The following ABHD18 variants were observed in gnomAD, a reference collection of about 807,000 sequenced individuals.
ABHD18 encodes cardiolipin-specific deacylase, mitochondrial.
ABHD18 carries 55 observed loss-of-function variants against 65.9 expected under a neutral mutation model. That is an observed-to-expected ratio of 0.84 (90% CI 0.67 to 1.05). The LOEUF (loss-of-function observed/expected upper bound fraction) is 1.05, where lower values mean the gene tolerates loss of function less well. ABHD18 is among the 50% of genes least tolerant of loss of function. The pLI, the probability that ABHD18 is intolerant of heterozygous loss-of-function variation, is 0.00. For missense variants in ABHD18, 533 were observed against 558.5 expected (o/e 0.95, Z 0.46); for synonymous variants, 181 against 180.2 (o/e 1.00, Z -0.04).
rs1759142580 is a variant in ABHD18 at position 128,039,165 on chromosome 4, AT to A, written c.*3353del. The A allele has an allele frequency of 7.3e-6, 1 of 137,902 alleles. No homozygotes were observed. Among genetic ancestry groups the A allele is most frequent in the African/African-American group, 2.9e-5 (1 of 34,450 alleles). 8.5% of individuals were successfully genotyped at this position (137,902 alleles called of 1,614,324 possible). A position where few individuals can be genotyped will look rare whatever the true frequency, so the allele number is the denominator to read the frequency against. ...TATGCATATATATATATATATATAT[AT>A]ATATATATATATATATATAATCTCA... On this transcript the variant is annotated 3_prime_UTR_variant, in exon 13 of 13. Transcript: ENST00000645843.
At chr4:128,018,284 A>T (rs1043751691) in intron 8 of ABHD18, among the ~76,000 whole-genome samples, 3 of 152,200 alleles carry the variant, frequency 2.0e-5, no homozygotes, top group Non-Finnish European at 4.4e-5. Flanking sequence ...ATTACTTGGC[A>T]CATATTAGTC....
intron 1 of ABHD18, among the ~76,000 whole-genome samples, chr4:127,967,817 G>A (rs570996199): frequency 3.6e-4 from 55 of 152,002 alleles, no homozygotes; most frequent in African/African-American, 1.3e-3. Flanking sequence ...ATGGAAAAGA[G>A]GAGCTAAATT....
intron 1 of ABHD18, among the ~76,000 whole-genome samples, chr4:127,982,479 G>A (rs886741969): frequency 4.6e-5 from 7 of 152,164 alleles, no homozygotes; most frequent in Admixed American, 4.6e-4. Flanking sequence ...CCCACTAGCT[G>A]TGTGACCTTG....
At chr4:128,012,180 T>C (rs1054805829) in intron 7 of ABHD18, among the ~76,000 whole-genome samples, 1 of 152,158 alleles carries the variant, frequency 6.6e-6, no homozygotes, top group Admixed American at 6.6e-5. Flanking sequence ...TTTCACCATG[T>C]TGGTCAGGCT....
intron 4 of ABHD18, among the ~76,000 whole-genome samples, chr4:128,005,606 G>A (rs1157185467): frequency 6.6e-6 from 1 of 152,148 alleles, no homozygotes; most frequent in Non-Finnish European, 1.5e-5. Context: ...GGGACTACAG[G>A]AATGTTCCAG....
intron 1 of ABHD18, among the ~76,000 whole-genome samples, chr4:127,977,188 A>G (rs927044163): frequency 6.6e-6 from 1 of 152,200 alleles, no homozygotes; most frequent in Non-Finnish European, 1.5e-5. Context: ...TAAAAAAAAA[A>G]CAAGCTGGGC....
Position 128,039,374 on chromosome 4 carries a change from GGT to G in ABHD18, c.*3568_*3569del, listed in dbSNP as rs1303744844. 2 of 151,662 alleles carry G rather than the reference GGT, an allele frequency of 1.3e-5. No homozygotes were observed. The highest frequency in any genetic ancestry group is 6.6e-5 in the Admixed American group (1 of 15,164). The allele number at this position is 151,662 out of a possible 1,614,324, so 9.4% of individuals were successfully genotyped here. On this transcript the variant is annotated 3_prime_UTR_variant, in exon 13 of 13. Coordinates refer to ENST00000645843, the MANE Select transcript of ABHD18 (RefSeq NM_001358451.3). Reference sequence around the variant, plus strand: ...TTGAATTTGAAAAGTCTTTTGATTGGGTGTGTGTTCCCCAGTTTGCCACAGCC... The same window carrying G: ...TTGAATTTGAAAAGTCTTTTGATTGGGTGTGTTCCCCAGTTTGCCACAGCC...
At chr4:127,969,617 C>G (rs950957629) in intron 1 of ABHD18, among the ~76,000 whole-genome samples, 2 of 152,152 alleles carry the variant, frequency 1.3e-5, no homozygotes, top group African/African-American at 4.8e-5. Context: ...TCCTTTGCAA[C>G]TTTCTAATTC....
intron 3 of ABHD18, among the ~76,000 whole-genome samples, chr4:127,987,589 G>A (rs550506113): frequency 6.6e-6 from 1 of 151,898 alleles, no homozygotes; most frequent in South Asian, 2.1e-4. Flanking sequence ...GCACATGCCT[G>A]TAGTCCCAGC....
intron 4 of ABHD18, among the ~76,000 whole-genome samples, chr4:128,007,014 A>C (rs1261985288): frequency 6.6e-6 from 1 of 152,196 alleles, no homozygotes; most frequent in East Asian, 1.9e-4. Flanking sequence ...GCATGGTGGC[A>C]CATGCCTGTA....
intron 10 of ABHD18, among the ~76,000 whole-genome samples, chr4:128,025,728 T>C (rs1235905035): frequency 6.6e-6 from 1 of 152,230 alleles, no homozygotes; most frequent in South Asian, 2.1e-4. Context: ...CCAGCAGGAA[T>C]GTGTCTTTCT....
chr4:127,997,518 A>G (rs1751936404), intron 4 of ABHD18, among the ~76,000 whole-genome samples: 2 of 152,246 alleles, frequency 1.3e-5, no homozygotes, highest in Admixed American at 1.3e-4. Flanking sequence ...TATGACTTAA[A>G]TTAGAGTTTC....
intron 1 of ABHD18, among the ~76,000 whole-genome samples, chr4:127,971,777 C>T (rs986569745): frequency 2.6e-5 from 4 of 152,040 alleles, no homozygotes; most frequent in Non-Finnish European, 4.4e-5. Context: ...CGTGAGCCAC[C>T]GCACCTGGCC....
chr4:128,025,024 AT>A (rs1197569204), intron 10 of ABHD18, among the ~76,000 whole-genome samples: 4 of 152,134 alleles, frequency 2.6e-5, no homozygotes, highest in East Asian at 3.9e-4. Context: ...TAAAAAAAAA[AT>A]GTATGGTCAT....
chr4:128,033,524 C>CTTTTTTTGTTTTTTTTTTTTTT (rs1758498296), intron 12 of ABHD18, among the ~76,000 whole-genome samples: 1 of 108,646 alleles, frequency 9.2e-6, no homozygotes, highest in East Asian at 3.3e-4. Context: ...CAAAGATAGT[C>CTTTTTTTGTTTTTTTTTTTTTT]TTTTTTTTTT....
At chr4:127,972,367 A>T (rs1746998701) in intron 1 of ABHD18, among the ~76,000 whole-genome samples, 1 of 152,138 alleles carries the variant, frequency 6.6e-6, no homozygotes. Flanking sequence ...AGAGGGTCCC[A>T]AAGTTCCTTT....
intron 1 of ABHD18, among the ~76,000 whole-genome samples, chr4:127,970,408 C>A (rs1199415700): frequency 6.6e-6 from 1 of 151,304 alleles, no homozygotes. Context: ...GCCTGACCAA[C>A]ATGGAGAAAC....
At chr4:128,008,686 C>A (rs938366046) in intron 4 of ABHD18, among the ~76,000 whole-genome samples, 1 of 152,082 alleles carries the variant, frequency 6.6e-6, no homozygotes, top group African/African-American at 2.4e-5. Context: ...AGAATAGGGA[C>A]AATAAATTCT....
At chr4:128,017,268 G>A in intron 7 of ABHD18, 95 bp from the exon 8 acceptor site, 1 of 1,164,738 alleles carries the variant, frequency 8.6e-7, no homozygotes, top group Non-Finnish European at 1.2e-6. Context: ...TCCTTTAGAA[G>A]AGATGCATGA....
Sources: gnomAD v4.1 joint callset for allele counts (sites outside exome capture counted in the v4.1 genomes callset) on GRCh38, gnomAD v4.1.1 for gene constraint, MANE v1.5 for transcripts, NCBI Gene and HGNC (gene_info 2026-07-23, HGNC 2026-07-21) for gene names.